The following INKA2 variants were observed in gnomAD, a reference collection of about 807,000 sequenced individuals.
INKA2 encodes PAK4-inhibitor INKA2.
INKA2 carries 3 observed loss-of-function variants against 9.8 expected under a neutral mutation model. The ratio of observed to expected loss-of-function variants is 0.31; its 90% CI spans 0.14 to 0.79. The LOEUF is 0.79. Among genes scored for constraint, INKA2 ranks in the 30% least tolerant of loss-of-function variants. The pLI is 0.62. For missense variants in INKA2, 392 were observed against 384.4 expected (o/e 1.02, Z -0.17); for synonymous variants, 147 against 143.3 (o/e 1.03, Z -0.18).
rs752000019 is a variant in INKA2 at position 111,727,673 on chromosome 1, C to T, written c.189G>A (p.Val63=). 1.2e-6 allele frequency: 2 copies of T among 1,611,596 alleles called. No individual in the cohort carries two copies. The highest frequency in any genetic ancestry group is 1.7e-4 in the Middle Eastern group (1 of 6,050). ...TCCTGGGACCTTCAGGGCTGCCTGG[C>T]ACAGGACCCCCTCCAGAGATCTCCA... ...EQLEISGGGP[V]PGSPEGPRTQ... is the part of the protein sequence containing the mutation. Residue 63 remains valine (V), a synonymous_variant, in exon 2 of 2, where the codon GTG becomes GTA. Transcript: ENST00000357260.
At position 111,734,929 on chromosome 1, in the gene INKA2, G is replaced by T. The variant is rs115115579; in HGVS notation, c.57+4257C>A. On this transcript the variant is annotated intron_variant, in intron 1 of 1. Coordinates refer to ENST00000357260, the MANE Select transcript of INKA2 (RefSeq NM_019099.5). ...CCCCAGAGGTCTGCATACAGGTACT[G>T]GTTGAGAACATAAGCTCTGCAATCA... is the stretch of plus-strand genomic sequence containing the variant. 8.7e-3 allele frequency among the ~76,000 whole-genome samples: 1,318 copies of T among 152,288 alleles called. 12 individuals carry two copies. The highest frequency in any genetic ancestry group is 0.031 in the African/African-American group (1,268 of 41,546).
At chr1:111,755,486 G>A in intron 1 of INKA2, 1 of 581,610 alleles carries the variant, frequency 1.7e-6, no homozygotes, top group South Asian at 2.1e-5. Context: ...TAGCGTTGGG[G>A]AAGAGGTGGC....
chr1:111,751,880 A>G (rs1663419272), intron 1 of INKA2, among the ~76,000 whole-genome samples: 1 of 150,840 alleles, frequency 6.6e-6, no homozygotes, highest in Non-Finnish European at 1.5e-5. Context: ...ATAGTAATGG[A>G]CCTCCTCTCA....
rs775441583 is a variant in INKA2 at position 111,727,403 on chromosome 1, C to T, written c.459G>A (p.Gln153=). 3 of 1,614,040 alleles carry T rather than the reference C, an allele frequency of 1.9e-6. No individual in the cohort carries two copies. In the Admixed American group the frequency reaches 5.0e-5, roughly 27 times the overall value. Residue 153 remains glutamine, a synonymous_variant, in exon 2 of 2, where the codon CAG becomes CAA. Transcript: ENST00000357260. The part of the protein sequence containing the change: ...STLMSRGRNR[Q]PLVLGDNVFA... ...AAACGTTGTCCCCTAACACCAGAGGCTGTCGATTCCGGCCCCGGGACATCA... is the reference window on the plus strand; with the variant it reads ...AAACGTTGTCCCCTAACACCAGAGGTTGTCGATTCCGGCCCCGGGACATCA...
intron 1 of INKA2, among the ~76,000 whole-genome samples, chr1:111,730,760 G>A (rs1482550176): frequency 6.6e-6 from 1 of 151,744 alleles, no homozygotes; most frequent in Non-Finnish European, 1.5e-5. Context: ...AATATGTATT[G>A]AGTATCTACT....
upstream of INKA2, among the ~76,000 whole-genome samples, chr1:111,741,315 G>T (rs1038897075): frequency 2.6e-5 from 4 of 152,176 alleles, no homozygotes; most frequent in African/African-American, 4.8e-5. Flanking sequence ...CACAATATGG[G>T]CTGAACTTGG....
chr1:111,746,601 A>C (rs1663279160), intron 1 of INKA2: 1 of 152,240 alleles, frequency 6.6e-6, no homozygotes, highest in Non-Finnish European at 1.5e-5. Flanking sequence ...AAGGACCTTC[A>C]TCAGGGCATG....
At position 111,724,221 on chromosome 1, in the gene INKA2, A is replaced by G. The variant is rs1020389965; in HGVS notation, c.*2747T>C. The G allele has an allele frequency of 1.3e-5, 2 of 152,258 alleles. No homozygotes were observed. Among genetic ancestry groups the G allele is most frequent in the East Asian group, 1.9e-4 (1 of 5,184 alleles). 9.4% of individuals were successfully genotyped at this position (152,258 alleles called of 1,614,324 possible). Reference sequence around the variant, plus strand: ...CTCCCAAGTCTCTTCTGACTAACCAATGGTTCAAAGTCTGCTTATTTTCCA... The same window carrying G: ...CTCCCAAGTCTCTTCTGACTAACCAGTGGTTCAAAGTCTGCTTATTTTCCA... On this transcript the variant is annotated 3_prime_UTR_variant, in exon 2 of 2. Coordinates refer to ENST00000357260, the MANE Select transcript of INKA2 (RefSeq NM_019099.5).
rs2101353168 is a variant in INKA2, at chr1:111,726,642, C to T, written c.*326G>A. ...TGTCAGAGGGATTTTCTGATCTCCT[C>T]CTCTGCCCTCACCTACTGTCACCTC... On this transcript the variant is annotated 3_prime_UTR_variant, in exon 2 of 2. Transcript: ENST00000357260. The T allele has an allele frequency of 3.0e-6, 1 of 333,308 alleles. No individual in the cohort carries two copies. Among genetic ancestry groups the T allele is most frequent in the South Asian group, 4.4e-5 (1 of 22,760 alleles). The allele number at this position is 333,308 out of a possible 1,614,324, so 20.6% of individuals were successfully genotyped here. A position where few individuals can be genotyped will look rare whatever the true frequency, so the allele number is the denominator to read the frequency against.
At position 111,724,743 on chromosome 1, in the gene INKA2, T is replaced by A. The variant is rs1241677486; in HGVS notation, c.*2225A>T. On this transcript the variant is annotated 3_prime_UTR_variant, in exon 2 of 2. Coordinates refer to ENST00000357260, the MANE Select transcript of INKA2 (RefSeq NM_019099.5). ...TTTGCAGTGGCTGGCTCCACCAGAGTGGGCTTGCTCAGTTGGCAAACTCCA... is the reference window on the plus strand; with the variant it reads ...TTTGCAGTGGCTGGCTCCACCAGAGAGGGCTTGCTCAGTTGGCAAACTCCA... 1.3e-5 allele frequency: 2 copies of A among 152,186 alleles called. No homozygotes were observed. Among genetic ancestry groups the A allele is most frequent in the Non-Finnish European group, 2.9e-5 (2 of 68,042 alleles). The allele number at this position is 152,186 out of a possible 1,614,324, so 9.4% of individuals were successfully genotyped here. A position where few individuals can be genotyped will look rare whatever the true frequency, so the allele number is the denominator to read the frequency against.
intron 1 of INKA2, among the ~76,000 whole-genome samples, chr1:111,729,670 G>T (rs574176303): frequency 6.6e-6 from 1 of 152,216 alleles, no homozygotes. Flanking sequence ...GCCCCCCAGA[G>T]ACCCGTGGGA....
chr1:111,751,715 G>A (rs983938473), intron 1 of INKA2, among the ~76,000 whole-genome samples: 1 of 152,170 alleles, frequency 6.6e-6, no homozygotes, highest in African/African-American at 2.4e-5. Context: ...TTTAGAATGT[G>A]CTATGGTGGT....
chr1:111,727,033 T>G lies in INKA2; in HGVS notation c.829A>C (p.Ser277Arg), dbSNP rs747331820. Residue 277 changes from serine to arginine, a missense_variant, in exon 2 of 2, where the codon AGC becomes CGC. Coordinates refer to ENST00000357260, the MANE Select transcript of INKA2 (RefSeq NM_019099.5). ...GAGTGCTCCAGGGCCTTGGGGCAGC[T>G]TGTGGGGGGATTCTCCCCTCGCCTG... Reference protein sequence around the residue: ...EHRRGENPPTSCPKALEHSPS... With the variant: ...EHRRGENPPTRCPKALEHSPS... 2 of 1,614,046 alleles carry G rather than the reference T, an allele frequency of 1.2e-6. No individual in the cohort carries two copies. Among genetic ancestry groups the G allele is most frequent in the Non-Finnish European group, 8.5e-7 (1 of 1,180,010 alleles).
chr1:111,743,432 C>T (rs1364142370), upstream of INKA2, among the ~76,000 whole-genome samples: 1 of 152,154 alleles, frequency 6.6e-6, no homozygotes, highest in East Asian at 1.9e-4. Flanking sequence ...GACTTGACTG[C>T]CTAACCTAGC....
intron 1 of INKA2, chr1:111,755,586 G>A (rs1468997011): frequency 4.9e-6 from 6 of 1,218,778 alleles, no homozygotes; most frequent in East Asian, 5.2e-5. Context: ...CGGCGAGAGG[G>A]CGGTGGCGCC....
chr1:111,748,163 A>G (rs189428900), intron 1 of INKA2, among the ~76,000 whole-genome samples: 121 of 152,286 alleles, frequency 7.9e-4, no homozygotes, highest in African/African-American at 2.8e-3. Context: ...GCGAATTAGC[A>G]TTTTCCTGAC....
rs1662732015 is a variant in INKA2, at chr1:111,724,821, C to T, written c.*2147G>A. On this transcript the variant is annotated 3_prime_UTR_variant, in exon 2 of 2. Coordinates refer to ENST00000357260, the MANE Select transcript of INKA2 (RefSeq NM_019099.5). The stretch of plus-strand genomic sequence containing the variant: ...GGGTTTTGGAGCCAGATAACCCAAC[C>T]CTCTGTTCAAATCTCTGTCCTTTCC... 6.6e-6 allele frequency: 1 copy of T among 152,166 alleles called. No individual in the cohort carries two copies. Among genetic ancestry groups the T allele is most frequent in the Non-Finnish European group, 1.5e-5 (1 of 68,050 alleles). The allele number at this position is 152,166 out of a possible 1,614,324, so 9.4% of individuals were successfully genotyped here.
intron 1 of INKA2, among the ~76,000 whole-genome samples, chr1:111,728,517 G>C (rs1662840866): frequency 6.6e-6 from 1 of 152,162 alleles, no homozygotes; most frequent in South Asian, 2.1e-4. Context: ...TACAGGTTGA[G>C]CATCCCTACT....
rs1663081462 is a variant in INKA2 at position 111,739,202 on chromosome 1, CGA to C, written c.39_40del (p.Arg14ProfsTer13). 4 of 1,613,660 alleles carry C rather than the reference CGA, an allele frequency of 2.5e-6. No individual in the cohort carries two copies. The highest frequency in any genetic ancestry group is 3.4e-6 in the Non-Finnish European group (4 of 1,179,764). On this transcript the variant is annotated frameshift_variant, in exon 1 of 2. Coordinates refer to ENST00000357260, the MANE Select transcript of INKA2 (RefSeq NM_019099.5). LOFTEE classifies it low-confidence loss of function (END_TRUNC). ...CGCTCTTACCAGCTCCTGTTTGAGG[CGA>C]CGGAGATAGCAGTCCATTTCCCTGC... is the stretch of plus-strand genomic sequence containing the variant.
Sources: gnomAD v4.1 joint callset for allele counts (sites outside exome capture counted in the v4.1 genomes callset) on GRCh38, gnomAD v4.1.1 for gene constraint, MANE v1.5 for transcripts, NCBI Gene and HGNC (gene_info 2026-07-23, HGNC 2026-07-21) for gene names.